The following RBFOX1 variants were observed in gnomAD, a reference collection of about 807,000 sequenced individuals.
The protein encoded by RBFOX1 is RNA binding fox-1 homolog 1, also known as RNA binding protein fox-1 homolog 1.
RBFOX1 carries 8 observed loss-of-function variants against 57.7 expected under a neutral mutation model. That is an observed-to-expected ratio of 0.14 (90% confidence interval 0.08 to 0.25). The LOEUF (loss-of-function observed/expected upper bound fraction) is 0.25. RBFOX1 is among the 10% of genes least tolerant of loss of function. The probability of loss-of-function intolerance (pLI) is 1.00; values close to 1 mark genes in which losing one functional copy is unlikely to be tolerated. For synonymous variants in RBFOX1, 326 were observed against 222.4 expected, an observed-to-expected ratio of 1.47 and a Z score of -4.15; for missense variants, 611 against 548.5, an observed-to-expected ratio of 1.11 and a Z score of -1.14.
At chr16:5,599,112 T>C (rs2047281752) in exon 3 of RBFOX1, 1 of 792,748 alleles carries the variant, frequency 1.3e-6, no homozygotes, top group Admixed American at 2.0e-5. Context: ...GGGGAATAAA[T>C]TTTCCAGAGC....
chr16:6,089,741 T>G (rs1278036332), intron 1 of RBFOX1, among the ~76,000 whole-genome samples: 1 of 152,048 alleles, frequency 6.6e-6, no homozygotes, highest in Non-Finnish European at 1.5e-5. Context: ...GAAAGGTAGG[T>G]GAAAGATTGG....
chr16:6,860,048 A>G (rs945143485), intron 3 of RBFOX1, among the ~76,000 whole-genome samples: 4 of 152,198 alleles, frequency 2.6e-5, no homozygotes, highest in African/African-American at 9.6e-5. Flanking sequence ...GGAACGAGCT[A>G]TAATACCGAG....
chr16:5,770,229 C>T (rs1010779156), intron 3 of RBFOX1, among the ~76,000 whole-genome samples: 2 of 151,370 alleles, frequency 1.3e-5, no homozygotes, highest in East Asian at 2.0e-4. Context: ...GTCACAACCC[C>T]GCTGATAAAA....
intron 13 of RBFOX1, 78 bp from the exon 14 acceptor site, chr16:7,676,696 C>G: frequency 8.0e-7 from 1 of 1,246,448 alleles, no homozygotes; most frequent in Non-Finnish European, 1.2e-6. Flanking sequence ...AACAGCTGCT[C>G]TGGTGTGGTC....
rs1243777646 is a variant in RBFOX1 at position 7,711,542 on chromosome 16, T to A, written c.*797T>A. The A allele has an allele frequency of 2.0e-5, 3 of 152,546 alleles. No individual in the cohort carries two copies. Among genetic ancestry groups the A allele is most frequent in the African/African-American group, 4.8e-5 (2 of 41,418 alleles). 9.4% of individuals were successfully genotyped at this position (152,546 alleles called of 1,614,324 possible). A position where few individuals can be genotyped will look rare whatever the true frequency, so the allele number is the denominator to read the frequency against. ...ATTGATATCACTGCTGACTTTTATA[T>A]TATGGGAGGGAAAAAATAACATTAA... is the stretch of plus-strand genomic sequence containing the variant. On this transcript the variant is annotated 3_prime_UTR_variant, in exon 16 of 16. Coordinates refer to ENST00000550418, the MANE Select transcript of RBFOX1 (RefSeq NM_018723.4).
chr16:7,518,032 T>C (rs2076747430), intron 4 of RBFOX1, 115 bp from the exon 5 acceptor site: 1 of 1,321,154 alleles, frequency 7.6e-7, no homozygotes, highest in South Asian at 1.5e-5. Flanking sequence ...GGTGGCACCA[T>C]GGTGACCCCT....
chr16:6,426,031 A>G (rs1045949033), intron 2 of RBFOX1, among the ~76,000 whole-genome samples: 1 of 150,058 alleles, frequency 6.7e-6, no homozygotes, highest in Non-Finnish European at 1.5e-5. Flanking sequence ...TCTTGTTGGC[A>G]TTTTACTTTC....
chr16:6,024,777 C>G (rs1232050568), intron 1 of RBFOX1, among the ~76,000 whole-genome samples: 1 of 152,376 alleles, frequency 6.6e-6, no homozygotes, highest in Admixed American at 6.5e-5. Flanking sequence ...AGCCACCACG[C>G]CCAGCCTCAT....
intron 5 of RBFOX1, among the ~76,000 whole-genome samples, chr16:7,539,701 G>C (rs1457894981): frequency 6.6e-6 from 1 of 152,204 alleles, no homozygotes; most frequent in East Asian, 1.9e-4. Context: ...ACCAGGCAGA[G>C]TAGTCTATTG....
At chr16:6,456,588 T>G (rs2094779454) in intron 2 of RBFOX1, among the ~76,000 whole-genome samples, 1 of 152,182 alleles carries the variant, frequency 6.6e-6, no homozygotes, top group African/African-American at 2.4e-5. Flanking sequence ...TGGATCAAAT[T>G]TTCTATTTAG....
intron 4 of RBFOX1, among the ~76,000 whole-genome samples, chr16:5,933,446 C>T (rs1224231514): frequency 1.3e-5 from 2 of 152,150 alleles, no homozygotes; most frequent in Non-Finnish European, 2.9e-5. Flanking sequence ...ATCCTTGGCC[C>T]GTTTTGAGGG....
intron 1 of RBFOX1, among the ~76,000 whole-genome samples, chr16:6,030,900 C>G (rs1330193311): frequency 6.6e-6 from 1 of 152,176 alleles, no homozygotes; most frequent in East Asian, 1.9e-4. Flanking sequence ...GGGCCAGGCA[C>G]TGTTAGGCAC....
At chr16:5,473,430 G>A (rs2151626241) in intron 2 of RBFOX1, among the ~76,000 whole-genome samples, 1 of 151,556 alleles carries the variant, frequency 6.6e-6, no homozygotes, top group South Asian at 2.1e-4. Context: ...TTTTTGCAGG[G>A]CTATGGATCT....
chr16:5,734,087 A>G (rs2052485561), intron 3 of RBFOX1, among the ~76,000 whole-genome samples: 1 of 152,074 alleles, frequency 6.6e-6, no homozygotes, highest in Non-Finnish European at 1.5e-5. Context: ...GGCTGGAGAA[A>G]ACTCCATCCT....
At chr16:6,886,647 C>G (rs966646865) in intron 3 of RBFOX1, among the ~76,000 whole-genome samples, 1 of 151,732 alleles carries the variant, frequency 6.6e-6, no homozygotes, top group Admixed American at 6.6e-5. Context: ...CCTAGCTGCT[C>G]AGGAGGCTGA....
chr16:5,826,144 ATATT>A (rs2056043701), intron 3 of RBFOX1, among the ~76,000 whole-genome samples: 2 of 146,584 alleles, frequency 1.4e-5, no homozygotes, highest in African/African-American at 5.0e-5. Flanking sequence ...TTCCTTATAT[ATATT>A]ATTATATATA....
chr16:6,317,104 T>A (rs2081204796), intron 2 of RBFOX1, 47 bp downstream of exon 2: 1 of 1,473,696 alleles, frequency 6.8e-7, no homozygotes, highest in Non-Finnish European at 9.2e-7. Flanking sequence ...TACATCCATG[T>A]CTTTGATCCT....
At chr16:7,406,791 G>A (rs1183766691) in intron 4 of RBFOX1, among the ~76,000 whole-genome samples, 1 of 152,178 alleles carries the variant, frequency 6.6e-6, no homozygotes, top group African/African-American at 2.4e-5. Flanking sequence ...AGGTCTTACT[G>A]TACTAAACTT....
chr16:5,759,184 A>G (rs1237428084), intron 3 of RBFOX1, among the ~76,000 whole-genome samples: 1 of 152,188 alleles, frequency 6.6e-6, no homozygotes, highest in East Asian at 1.9e-4. Context: ...CTTCCTATCC[A>G]CGAAGGCAAG....
Sources: allele counts gnomAD v4.1 joint callset (sites outside exome capture counted in the v4.1 genomes callset), GRCh38; gene constraint gnomAD v4.1.1; transcripts MANE v1.5; gene names NCBI Gene and HGNC (gene_info 2026-07-23, HGNC 2026-07-21).